CUTC: variants seen among roughly 807,000 people sequenced by gnomAD.
CUTC encodes cutC copper transporter.
Under a neutral mutation model 36.2 loss-of-function variants are expected in CUTC, and 27 were observed. The ratio of observed to expected loss-of-function variants is 0.75; its 90% CI spans 0.55 to 1.03. The LOEUF (loss-of-function observed/expected upper bound fraction) is 1.03. CUTC is among the 50% of genes least tolerant of loss of function. The pLI is 0.00. For synonymous variants in CUTC, 114 were observed against 118.3 expected (o/e 0.96, Z 0.24); for missense variants, 315 against 343.5 (o/e 0.92, Z 0.66).
At chr10:99,742,851 T>C (rs750570320) in intron 3 of CUTC, among the ~76,000 whole-genome samples, 11 of 152,346 alleles carry the variant, frequency 7.2e-5, no homozygotes, top group Non-Finnish European at 1.2e-4. Flanking sequence ...GGGAATAATG[T>C]ACTGGCAGAA....
intron 5 of CUTC, among the ~76,000 whole-genome samples, chr10:99,746,298 G>A: frequency 6.6e-6 from 1 of 152,046 alleles, no homozygotes; most frequent in Non-Finnish European, 1.5e-5. Context: ...CTCATAAGTG[G>A]GAGCTAAATG....
In CUTC at chr10:99,732,719, A is replaced by C. The variant is rs556342699; in HGVS notation, c.61+310A>C. On this transcript the variant is annotated intron_variant, in intron 1 of 8. Coordinates refer to ENST00000370476, the MANE Select transcript of CUTC (RefSeq NM_015960.3). ...TTTTCCGTCGCCACACGAGGATGCCAGTACCGCCCGCACCAGCAGCCAGTA... is the reference window on the plus strand; with the variant it reads ...TTTTCCGTCGCCACACGAGGATGCCCGTACCGCCCGCACCAGCAGCCAGTA... The C allele has an allele frequency of 2.0e-5, 13 of 654,348 alleles. No homozygotes were observed. In the African/African-American group the frequency reaches 2.5e-4, roughly 13 times the overall value. The allele number at this position is 654,348 out of a possible 1,614,324, so 40.5% of individuals were successfully genotyped here.
intron 7 of CUTC, among the ~76,000 whole-genome samples, chr10:99,751,887 C>T (rs1048501834): frequency 1.3e-5 from 2 of 152,092 alleles, no homozygotes; most frequent in African/African-American, 4.8e-5. Flanking sequence ...GATCACTTAC[C>T]CTGTAAAATG....
chr10:99,739,018 G>C (rs765457394), intron 2 of CUTC, among the ~76,000 whole-genome samples: 16 of 152,054 alleles, frequency 1.1e-4, no homozygotes, highest in Non-Finnish European at 1.9e-4. Context: ...CAGAATAAAT[G>C]CTTGCTTATT....
intron 3 of CUTC, among the ~76,000 whole-genome samples, chr10:99,742,695 A>G (rs1361530225): frequency 6.7e-6 from 1 of 149,482 alleles, no homozygotes; most frequent in African/African-American, 2.5e-5. Context: ...GCTCCCTTTC[A>G]CGTATCTTGT....
At chr10:99,753,952 A>G (rs932346432) in intron 7 of CUTC, among the ~76,000 whole-genome samples, 3 of 152,234 alleles carry the variant, frequency 2.0e-5, no homozygotes, top group Non-Finnish European at 2.9e-5. Context: ...TTCTTTATAT[A>G]TAAATATTTA....
Position 99,733,066 on chromosome 10 carries a change from T to G in CUTC, c.61+657T>G, listed in dbSNP as rs56242430. 1.5e-3 allele frequency among the ~76,000 whole-genome samples: 234 copies of G among 152,306 alleles called. 1 individual carries two copies. Among genetic ancestry groups the G allele is most frequent in the South Asian group, 5.4e-3 (26 of 4,830 alleles). ...TTAGAAATTAAAACAAATTTTTTTT[T>G]GGGAGGCCGAGGGGGACAGATCATC... On this transcript the variant is annotated intron_variant, in intron 1 of 8. Transcript: ENST00000370476.
In CUTC at chr10:99,747,330, C is replaced by T. The variant is rs1365905600; in HGVS notation, c.513C>T (p.Thr171=). Residue 171 remains threonine, a synonymous_variant, in exon 6 of 9, where the codon ACC becomes ACT. Coordinates refer to ENST00000370476, the MANE Select transcript of CUTC (RefSeq NM_015960.3). ...CCTTGGGATTTGAACGCGTGTTGAC[C>T]AGTGGATGTGACAGTTCAGCATTAG... ...LLTLGFERVL[T]SGCDSSALEG... 6.2e-7 allele frequency: 1 copy of T among 1,614,048 alleles called. No individual in the cohort carries two copies. Among genetic ancestry groups the T allele is most frequent in the African/African-American group, 1.3e-5 (1 of 74,916 alleles).
intron 1 of CUTC, among the ~76,000 whole-genome samples, chr10:99,735,266 G>A (rs983615394): frequency 6.6e-6 from 1 of 152,134 alleles, no homozygotes; most frequent in South Asian, 2.1e-4. Context: ...GTTCAAAAGA[G>A]GGACATAAAA....
chr10:99,736,963 T>A (rs1212819206), intron 2 of CUTC, among the ~76,000 whole-genome samples: 49 of 152,218 alleles, frequency 3.2e-4, no homozygotes, highest in Admixed American at 1.2e-3. Context: ...ATTTTATTTT[T>A]AAATCTTTTG....
intron 7 of CUTC, among the ~76,000 whole-genome samples, chr10:99,753,187 G>C (rs567247454): frequency 2.6e-5 from 4 of 152,270 alleles, no homozygotes; most frequent in African/African-American, 9.6e-5. Flanking sequence ...TGTTTCAGTG[G>C]CCAGATGTTT....
chr10:99,744,143 T>G, intron 5 of CUTC, 71 bp downstream of exon 5: 4 of 1,223,830 alleles, frequency 3.3e-6, no homozygotes, highest in Non-Finnish European at 4.8e-6. Context: ...TGCCACCACC[T>G]TTTTATGGAA....
At chr10:99,740,832 G>A (rs1033587387) in intron 3 of CUTC, among the ~76,000 whole-genome samples, 3 of 152,090 alleles carry the variant, frequency 2.0e-5, no homozygotes, top group African/African-American at 7.2e-5. Flanking sequence ...TTGTCCTTGA[G>A]CTTACTGACC....
intron 7 of CUTC, 41 bp from the exon 8 acceptor site, chr10:99,754,488 A>AATTCTATTTTACTTAATGTGTTACTT (rs1419330356): frequency 7.5e-7 from 1 of 1,332,862 alleles, no homozygotes; most frequent in Non-Finnish European, 1.1e-6. Flanking sequence ...TTTTATGCAA[A>AATTCTATTTTACTTAATGTGTTACTT]ATTCTATTTT....
chr10:99,750,890 C>T (rs1485551507), intron 7 of CUTC, among the ~76,000 whole-genome samples: 1 of 152,068 alleles, frequency 6.6e-6, no homozygotes, highest in Non-Finnish European at 1.5e-5. Context: ...ATCATATGAT[C>T]CTGATGATAA....
chr10:99,732,853 C>T (rs2037231929), intron 1 of CUTC, among the ~76,000 whole-genome samples: 1 of 152,124 alleles, frequency 6.6e-6, no homozygotes, highest in African/African-American at 2.4e-5. Flanking sequence ...ACGCAGCTAC[C>T]AAGTGGCCGA....
At chr10:99,755,482 A>C (rs530296081) in intron 8 of CUTC, 143 bp from the exon 9 acceptor site, 2 of 598,076 alleles carry the variant, frequency 3.3e-6, no homozygotes, top group East Asian at 5.6e-5. Context: ...GTTTCAAGTA[A>C]TTAATTGATG....
chr10:99,753,460 G>T (rs189544380), intron 7 of CUTC, among the ~76,000 whole-genome samples: 2 of 152,120 alleles, frequency 1.3e-5, no homozygotes, highest in East Asian at 3.9e-4. Context: ...CCCAGGCTAT[G>T]GTGCAGTGGT....
At chr10:99,753,636 C>T (rs2037434965) in intron 7 of CUTC, among the ~76,000 whole-genome samples, 1 of 152,152 alleles carries the variant, frequency 6.6e-6, no homozygotes, top group South Asian at 2.1e-4. Flanking sequence ...GTCTCAAACT[C>T]TTGAGCTCAA....
Sources: allele counts gnomAD v4.1 joint callset (sites outside exome capture counted in the v4.1 genomes callset), GRCh38; gene constraint gnomAD v4.1.1; transcripts MANE v1.5; gene names NCBI Gene and HGNC (gene_info 2026-07-23, HGNC 2026-07-21).